The following DENND1A variants were observed in gnomAD, a reference collection of about 807,000 sequenced individuals.
DENND1A encodes DENN domain-containing protein 1A.
DENND1A carries 51 observed loss-of-function variants against 113.7 expected under a neutral mutation model. The observed-to-expected ratio is 0.45, with a 90% CI of 0.36 to 0.57. The LOEUF (loss-of-function observed/expected upper bound fraction) is 0.57, where lower values mean the gene tolerates loss of function less well. Among genes scored for constraint, DENND1A ranks in the 20% least tolerant of loss-of-function variants. The pLI, the probability that DENND1A is intolerant of heterozygous loss-of-function variation, is 0.00. For missense variants in DENND1A, 1,258 were observed against 1,395.9 expected (o/e 0.90, Z 1.57); for synonymous variants, 565 against 570.8 (o/e 0.99, Z 0.14).
intron 12 of DENND1A, among the ~76,000 whole-genome samples, chr9:123,562,529 G>A (rs988766619): frequency 2.0e-5 from 3 of 152,256 alleles, no homozygotes; most frequent in Non-Finnish European, 4.4e-5. Flanking sequence ...AGAGTAACAT[G>A]TACAGCATGA....
chr9:123,752,658 T>A (rs1346513020), intron 5 of DENND1A, among the ~76,000 whole-genome samples: 1 of 152,274 alleles, frequency 6.6e-6, no homozygotes, highest in Non-Finnish European at 1.5e-5. Context: ...AGAAATCGCA[T>A]CTTTCATTAC....
intron 2 of DENND1A, among the ~76,000 whole-genome samples, chr9:123,832,983 G>A (rs1055406365): frequency 7.9e-5 from 12 of 152,098 alleles, no homozygotes; most frequent in Admixed American, 5.9e-4. Context: ...TTGGGGGTCC[G>A]GGGGAGCGGT....
At chr9:123,819,799 A>C (rs1838169406) in intron 2 of DENND1A, among the ~76,000 whole-genome samples, 1 of 152,314 alleles carries the variant, frequency 6.6e-6, no homozygotes, top group Non-Finnish European at 1.5e-5. Flanking sequence ...CGGATCCTAG[A>C]GTGCTAGGCT....
At chr9:123,891,629 TAA>T (rs1849911891) in intron 1 of DENND1A, among the ~76,000 whole-genome samples, 1 of 152,144 alleles carries the variant, frequency 6.6e-6, no homozygotes, top group Non-Finnish European at 1.5e-5. Context: ...ATATACACTT[TAA>T]TAATAATAAA....
chr9:123,748,081 T>G (rs1345776923), intron 5 of DENND1A, among the ~76,000 whole-genome samples: 1 of 152,238 alleles, frequency 6.6e-6, no homozygotes, highest in Admixed American at 6.5e-5. Context: ...AAATATTCTT[T>G]CACATTACTA....
chr9:123,667,149 G>A, intron 7 of DENND1A, 70 bp from the exon 8 acceptor site: 3 of 1,410,028 alleles, frequency 2.1e-6, no homozygotes, highest in East Asian at 4.9e-5. Flanking sequence ...CAGAATTCAG[G>A]TAAATGATTG....
At chr9:123,927,828 G>C (rs769098798) in intron 1 of DENND1A, among the ~76,000 whole-genome samples, 42 of 152,172 alleles carry the variant, frequency 2.8e-4, no homozygotes, top group Non-Finnish European at 4.7e-4. Flanking sequence ...CCTGCCAGGA[G>C]GGAAAGCCAG....
Position 123,380,600 on chromosome 9 carries a change from C to T in DENND1A, c.*832G>A, listed in dbSNP as rs1338295876. The stretch of plus-strand genomic sequence containing the variant: ...GCTTTGCCCACAAAGCTCCAGATGA[C>T]AAGAGGCTGAGCCCCAGCTTTGACA... On this transcript the variant is annotated 3_prime_UTR_variant, in exon 24 of 24. Transcript: ENST00000394215. 1 of 152,438 alleles carries T rather than the reference C, an allele frequency of 6.6e-6. No homozygotes were observed. The highest frequency in any genetic ancestry group is 1.9e-4 in the East Asian group (1 of 5,200). The allele number at this position is 152,438 out of a possible 1,614,324, so 9.4% of individuals were successfully genotyped here.
At position 123,567,595 on chromosome 9, in the gene DENND1A, A is replaced by T. The variant is rs2058125716; in HGVS notation, c.868-9900T>A. Among the ~76,000 whole-genome samples the T allele has an allele frequency of 2.6e-5, 4 of 152,252 alleles. No homozygotes were observed. The South Asian group carries it at 8.3e-4, about 31-fold the overall frequency. ...TAATCATAATTAAAAATGTTTATCA[A>T]GAGACTAACGACTTTCTTCATGAGC... On this transcript the variant is annotated intron_variant, in intron 12 of 23. Transcript: ENST00000394215.
At position 123,486,556 on chromosome 9, in the gene DENND1A, T is replaced by C. The variant is rs1388919293; in HGVS notation, c.994-28659A>G. ...TCCCTAAAGCACCCCTTTGATCTTC[T>C]AACCTGTAGCCATGGCCAACAGGAG... is the stretch of plus-strand genomic sequence containing the variant. On this transcript the variant is annotated intron_variant, in intron 13 of 23. Transcript: ENST00000394215. Among the ~76,000 whole-genome samples the C allele has an allele frequency of 3.3e-5, 5 of 152,036 alleles. No individual in the cohort carries two copies. In the South Asian group the frequency reaches 1.0e-3, roughly 32 times the overall value.
intron 13 of DENND1A, among the ~76,000 whole-genome samples, chr9:123,533,465 C>T (rs1445198064): frequency 1.3e-5 from 2 of 152,198 alleles, no homozygotes; most frequent in African/African-American, 2.4e-5. Flanking sequence ...TGGTACTGCA[C>T]TCAAGCCTGG....
chr9:123,607,629 T>C (rs187104525), intron 11 of DENND1A, among the ~76,000 whole-genome samples: 2 of 143,512 alleles, frequency 1.4e-5, no homozygotes, highest in Admixed American at 1.4e-4. Context: ...CCGTAGTACA[T>C]CCAGGTGAAA....
chr9:123,467,324 C>A (rs1426669377), intron 13 of DENND1A, among the ~76,000 whole-genome samples: 1 of 152,152 alleles, frequency 6.6e-6, no homozygotes, highest in African/African-American at 2.4e-5. Flanking sequence ...GTGCGTGTCT[C>A]CTTTGCCAAT....
At chr9:123,864,606 G>A (rs1051533910) in intron 2 of DENND1A, among the ~76,000 whole-genome samples, 4 of 152,110 alleles carry the variant, frequency 2.6e-5, no homozygotes, top group African/African-American at 4.8e-5. Context: ...TCCTAAGCAC[G>A]TCTGCTCATA....
intron 2 of DENND1A, among the ~76,000 whole-genome samples, chr9:123,874,360 A>G (rs751447527): frequency 1.1e-4 from 17 of 152,174 alleles, no homozygotes; most frequent in Admixed American, 2.6e-4. Flanking sequence ...CAGATAATTA[A>G]TATCTATAGT....
At chr9:123,546,830 A>T (rs1425407567) in intron 13 of DENND1A, among the ~76,000 whole-genome samples, 1 of 152,060 alleles carries the variant, frequency 6.6e-6, no homozygotes, top group East Asian at 1.9e-4. Flanking sequence ...GGTGCAAGAT[A>T]TACTAGCTAT....
intron 2 of DENND1A, among the ~76,000 whole-genome samples, chr9:123,835,667 A>G (rs1840949650): frequency 6.9e-6 from 1 of 145,418 alleles, no homozygotes. Flanking sequence ...CAGGAAAAAA[A>G]AAAAAAAAAG....
At chr9:123,563,762 T>C (rs913476312) in intron 12 of DENND1A, among the ~76,000 whole-genome samples, 1 of 152,200 alleles carries the variant, frequency 6.6e-6, no homozygotes. Flanking sequence ...AAAGTCTAAA[T>C]TCCTTAGCAC....
At chr9:123,395,215 A>G (rs927829242) in intron 21 of DENND1A, among the ~76,000 whole-genome samples, 1 of 152,152 alleles carries the variant, frequency 6.6e-6, no homozygotes, top group African/African-American at 2.4e-5. Flanking sequence ...AGCATCCCCA[A>G]GGCTTGGTTT....
Sources: allele counts gnomAD v4.1 joint callset (sites outside exome capture counted in the v4.1 genomes callset), GRCh38; gene constraint gnomAD v4.1.1; transcripts MANE v1.5; gene names NCBI Gene and HGNC (gene_info 2026-07-23, HGNC 2026-07-21).